The following ELP3 variants were observed in gnomAD, a reference collection of about 807,000 sequenced individuals.
ELP3 encodes the protein elongator acetyltransferase complex subunit 3, also known as elongator complex protein 3.
A neutral mutation model predicts 74.9 loss-of-function variants in ELP3; 56 were observed. That is an observed-to-expected ratio of 0.75 (90% CI 0.60 to 0.93). The LOEUF (loss-of-function observed/expected upper bound fraction) is 0.93. ELP3 is among the 40% of genes least tolerant of loss of function. The pLI, the probability that ELP3 is intolerant of heterozygous loss-of-function variation, is 0.00. For missense variants in ELP3, 573 were observed against 686.5 expected, an observed-to-expected ratio of 0.83 and a Z score of 1.85; for synonymous variants, 222 against 239.8, an observed-to-expected ratio of 0.93 and a Z score of 0.68.
At chr8:28,094,770 G>A (rs1393186520) in intron 1 of ELP3, among the ~76,000 whole-genome samples, 2 of 152,074 alleles carry the variant, frequency 1.3e-5, no homozygotes, top group Non-Finnish European at 2.9e-5. Context: ...AAAAAAAATT[G>A]TCGATCTTTT....
intron 14 of ELP3, among the ~76,000 whole-genome samples, chr8:28,182,831 G>T (rs1815071409): frequency 6.6e-6 from 1 of 152,182 alleles, no homozygotes; most frequent in Admixed American, 6.5e-5. Context: ...TCAAAGCAGA[G>T]GATTTCTTTC....
chr8:28,098,680 C>T (rs1378082197), intron 2 of ELP3, among the ~76,000 whole-genome samples: 1 of 152,226 alleles, frequency 6.6e-6, no homozygotes, highest in Non-Finnish European at 1.5e-5. Context: ...CCTGCTTTTC[C>T]AAGTTTTTAA....
chr8:28,095,825 A>G (rs1476407616), intron 1 of ELP3, among the ~76,000 whole-genome samples: 1 of 152,236 alleles, frequency 6.6e-6, no homozygotes, highest in African/African-American at 2.4e-5. Flanking sequence ...TGTGGGCTCC[A>G]TAATTGCCAG....
chr8:28,173,143 T>A (rs1271940236), intron 14 of ELP3, among the ~76,000 whole-genome samples: 1 of 152,066 alleles, frequency 6.6e-6, no homozygotes, highest in Non-Finnish European at 1.5e-5. Flanking sequence ...GCTGGCTTTA[T>A]TAAATGAATT....
chr8:28,103,156 C>T (rs999639354), intron 3 of ELP3, among the ~76,000 whole-genome samples: 17 of 151,580 alleles, frequency 1.1e-4, no homozygotes, highest in South Asian at 4.2e-4. Context: ...GGTGACAGAG[C>T]GAGATTCTGT....
At chr8:28,172,683 G>GCAACCTTATC (rs1814577464) in intron 14 of ELP3, among the ~76,000 whole-genome samples, 1 of 151,956 alleles carries the variant, frequency 6.6e-6, no homozygotes, top group Non-Finnish European at 1.5e-5. Flanking sequence ...TTTAAGTACT[G>GCAACCTTATC]TGGTGAAAAT....
At chr8:28,158,151 T>G (rs1352315195) in intron 11 of ELP3, among the ~76,000 whole-genome samples, 4 of 151,514 alleles carry the variant, frequency 2.6e-5, no homozygotes, top group Non-Finnish European at 2.9e-5. Context: ...TGCCGTAAAA[T>G]GGAGGTTTTA....
At chr8:28,143,565 A>G (rs1190642177) in intron 10 of ELP3, among the ~76,000 whole-genome samples, 2 of 152,212 alleles carry the variant, frequency 1.3e-5, no homozygotes, top group Non-Finnish European at 2.9e-5. Context: ...ATTTAGAATA[A>G]TCTTCATGGT....
intron 14 of ELP3, among the ~76,000 whole-genome samples, chr8:28,187,172 T>C (rs112650687): frequency 1.9e-3 from 294 of 152,236 alleles, no homozygotes; most frequent in African/African-American, 6.9e-3. Flanking sequence ...TGGCAGATTC[T>C]TTTCACTCTG....
At chr8:28,133,428 C>CTTT (rs34048650) in intron 9 of ELP3, among the ~76,000 whole-genome samples, 18 of 135,558 alleles carry the variant, frequency 1.3e-4, no homozygotes, top group African/African-American at 4.1e-4. Context: ...CTTTTTTTTC[C>CTTT]TTTTTTTTTT....
At chr8:28,106,614 C>G in intron 3 of ELP3, 99 bp from the exon 4 acceptor site, 1 of 790,742 alleles carries the variant, frequency 1.3e-6, no homozygotes, top group Non-Finnish European at 2.0e-6. Context: ...TTGCCACTCT[C>G]TGGTTGCATT....
chr8:28,137,658 A>G (rs371307259), intron 9 of ELP3, 40 bp from the exon 10 acceptor site: 11 of 1,593,642 alleles, frequency 6.9e-6, no homozygotes, highest in Non-Finnish European at 9.4e-6. Flanking sequence ...TGATCTCTGC[A>G]TAACTAATGG....
intron 10 of ELP3, among the ~76,000 whole-genome samples, chr8:28,142,085 G>A (rs995905231): frequency 6.6e-6 from 1 of 152,236 alleles, no homozygotes; most frequent in Non-Finnish European, 1.5e-5. Context: ...ACCACTATGC[G>A]ACATTATCCT....
At chr8:28,109,393 G>A (rs1693994674) in intron 5 of ELP3, among the ~76,000 whole-genome samples, 1 of 151,896 alleles carries the variant, frequency 6.6e-6, no homozygotes, top group South Asian at 2.1e-4. Context: ...GAATGATTTC[G>A]TGAAAAGGCT....
At position 28,160,380 on chromosome 8, in the gene ELP3, C is replaced by T; in HGVS notation, c.1409C>T (p.Ser470Phe). 4 of 1,614,116 alleles carry T rather than the reference C, an allele frequency of 2.5e-6. No individual in the cohort carries two copies. The highest frequency in any genetic ancestry group is 1.7e-6 in the Non-Finnish European group (2 of 1,180,014). Residue 470 changes from serine to phenylalanine, a missense_variant, in exon 13 of 15, where the codon TCC becomes TTC. Physicochemically the swap from Ser to Phe is radical, Grantham distance 155. Coordinates refer to ENST00000256398, the MANE Select transcript of ELP3 (RefSeq NM_018091.6). Reference sequence around the variant, plus strand: ...CGTTTCGAATTGGGTGGAGGTGTCTCCATAGTACGAGAGCTGCATGTGTAT... The same window carrying T: ...CGTTTCGAATTGGGTGGAGGTGTCTTCATAGTACGAGAGCTGCATGTGTAT... ...TFRFELGGGV[S>F]IVRELHVYGS...
At chr8:28,100,419 G>T (rs1346121375) in intron 3 of ELP3, among the ~76,000 whole-genome samples, 1 of 152,254 alleles carries the variant, frequency 6.6e-6, no homozygotes, top group East Asian at 1.9e-4. Flanking sequence ...AAAGCACACA[G>T]CTTGCTTGAC....
intron 4 of ELP3, among the ~76,000 whole-genome samples, chr8:28,107,397 G>A (rs931433091): frequency 2.6e-5 from 4 of 152,110 alleles, no homozygotes; most frequent in Admixed American, 1.3e-4. Flanking sequence ...ATGAAACATG[G>A]GAATATGAGC....
intron 10 of ELP3, among the ~76,000 whole-genome samples, chr8:28,149,927 T>G (rs1175356048): frequency 6.6e-6 from 1 of 152,204 alleles, no homozygotes; most frequent in Admixed American, 6.5e-5. Flanking sequence ...CTCTCCTTTC[T>G]TAGCATATCA....
rs139912180 is a variant in ELP3 at position 28,167,611 on chromosome 8, A to G, written c.1567+5533A>G. ...TTGTAGCATATCTATTTGCTAATGGACACAGGAAGCCTGCCAAATGCAGAC... is the reference window on the plus strand; with the variant it reads ...TTGTAGCATATCTATTTGCTAATGGGCACAGGAAGCCTGCCAAATGCAGAC... On this transcript the variant is annotated intron_variant, in intron 14 of 14. Coordinates refer to ENST00000256398, the MANE Select transcript of ELP3 (RefSeq NM_018091.6). Among the ~76,000 whole-genome samples, 14 of 152,318 alleles carry G rather than the reference A, an allele frequency of 9.2e-5. No individual in the cohort carries two copies. The East Asian group carries it at 2.7e-3, about 29-fold the overall frequency.
Sources: gnomAD v4.1 joint callset for allele counts (sites outside exome capture counted in the v4.1 genomes callset) on GRCh38, gnomAD v4.1.1 for gene constraint, MANE v1.5 for transcripts, NCBI Gene and HGNC (gene_info 2026-07-23, HGNC 2026-07-21) for gene names.